Variants in ASB11 observed in about 807,000 individuals in gnomAD.
ASB11 encodes ankyrin repeat and SOCS box containing 11.
ASB11 carries 17 observed loss-of-function variants against 20.1 expected under a neutral mutation model. The ratio of observed to expected loss-of-function variants is 0.85; its 90% CI spans 0.58 to 1.27. The LOEUF (loss-of-function observed/expected upper bound fraction) is 1.27. ASB11 is among the 50% of genes most tolerant of loss of function. ASB11 has a pLI of 0.00. For synonymous variants in ASB11, 107 were observed against 105.6 expected (o/e 1.01, Z -0.08); for missense variants, 259 against 256.9 (o/e 1.01, Z -0.06).
At chrX:15,297,785 C>T in intron 2 of ASB11, 104 bp from the exon 3 acceptor site, 1 of 734,700 alleles carries the variant, frequency 1.4e-6, no homozygotes, top group Non-Finnish European at 2.0e-6. Flanking sequence ...ATCTTCCTGC[C>T]TCAGCATCCT....
At chrX:15,298,634 A>T (rs1218417505) in intron 2 of ASB11, among the ~76,000 whole-genome samples, 1 of 111,652 alleles carries the variant, frequency 9.0e-6, no homozygotes, top group Non-Finnish European at 1.9e-5. Flanking sequence ...GTAAGACCAA[A>T]GCAAGGAGAG....
At position 15,288,014 on chromosome X, in the gene ASB11, C is replaced by G. The variant is rs1807328094; in HGVS notation, c.714G>C (p.Gln238His). 1.8e-5 allele frequency: 22 copies of G among 1,212,112 alleles called. No individual in the cohort carries two copies. Among genetic ancestry groups the G allele is most frequent in the Non-Finnish European group, 2.0e-5 (18 of 895,570 alleles). Residue 238 changes from glutamine (Q) to histidine (H), a missense_variant, in exon 6 of 7, where the codon CAG becomes CAC. Physicochemically the swap from Gln to His is conservative, Grantham distance 24. Transcript: ENST00000480796. ...GCAGGTGGATGACCTCCACATTGGACTGCCTCGCTGCAGCATGGAGTGGGG... is the reference window on the plus strand; with the variant it reads ...GCAGGTGGATGACCTCCACATTGGAGTGCCTCGCTGCAGCATGGAGTGGGG... ...LDTPLHAAAR[Q>H]SNVEVIHLLT...
chrX:15,297,021 C>T (rs892408093), intron 3 of ASB11, among the ~76,000 whole-genome samples: 34 of 112,473 alleles, frequency 3.0e-4, no homozygotes, highest in African/African-American at 1.1e-3. Flanking sequence ...AGGCCGGGCG[C>T]GGTGGCTCAC....
In ASB11 at chrX:15,281,729, G is replaced by A. The variant is rs190751665; in HGVS notation, c.*1776C>T. ...TTTTTTTGTTTTGAGACGGAGTCTC[G>A]CTCTGTCACCCAGGCTGGAGTGCAG... On this transcript the variant is annotated 3_prime_UTR_variant, in exon 7 of 7. Transcript: ENST00000480796. 7.3e-5 allele frequency: 7 copies of A among 95,473 alleles called. No individual in the cohort carries two copies. The highest frequency in any genetic ancestry group is 3.1e-4 in the East Asian group (1 of 3,195). 7.9% of individuals were successfully genotyped at this position (95,473 alleles called of 1,213,427 possible). A position where few individuals can be genotyped will look rare whatever the true frequency, so the allele number is the denominator to read the frequency against.
chrX:15,294,397 G>T (rs1920952169), intron 3 of ASB11, among the ~76,000 whole-genome samples: 1 of 112,140 alleles, frequency 8.9e-6, no homozygotes. Flanking sequence ...GTGAAACAGG[G>T]TCTTGCTCTG....
chrX:15,293,158 T>A lies in ASB11; in HGVS notation c.520+12A>T. ...CATCAATGTTTCACATGCATTGTGG[T>A]GGCTCATTTACCTCTCTTCACTGCC... On this transcript the variant is annotated intron_variant, in intron 4 of 6. Coordinates refer to ENST00000480796, the MANE Select transcript of ASB11 (RefSeq NM_080873.3). The A allele has an allele frequency of 8.3e-7, 1 of 1,204,931 alleles. No homozygotes were observed. The highest frequency in any genetic ancestry group is 1.7e-5 in the African/African-American group (1 of 57,718).
At chrX:15,301,098 G>T (rs989198696) in intron 2 of ASB11, among the ~76,000 whole-genome samples, 1 of 110,916 alleles carries the variant, frequency 9.0e-6, no homozygotes, top group African/African-American at 3.3e-5. Flanking sequence ...AAGTAGCTGG[G>T]ATTATAGGCG....
intron 2 of ASB11, among the ~76,000 whole-genome samples, chrX:15,300,495 G>A (rs55651049): frequency 0.1 from 11,554 of 112,097 alleles, 457 homozygotes; most frequent in Middle Eastern, 0.16. Flanking sequence ...CAGTGTATAA[G>A]AGTAAAGAAG....
intron 2 of ASB11, among the ~76,000 whole-genome samples, chrX:15,299,301 A>G (rs923011982): frequency 3.6e-5 from 4 of 112,054 alleles, no homozygotes; most frequent in African/African-American, 1.3e-4. Flanking sequence ...ATGAGACATC[A>G]ATCAAATACA....
chrX:15,310,952 A>C (rs1283751923), intron 1 of ASB11, among the ~76,000 whole-genome samples: 2 of 112,138 alleles, frequency 1.8e-5, no homozygotes, highest in Non-Finnish European at 1.9e-5. Context: ...ACATCACTGC[A>C]CTCCAGCTTG....
At chrX:15,288,829 G>A (rs1033196053) in intron 5 of ASB11, among the ~76,000 whole-genome samples, 40 of 110,295 alleles carry the variant, frequency 3.6e-4, no homozygotes, top group African/African-American at 1.3e-3. Flanking sequence ...AGGTTGCAGT[G>A]AGCTGAGGTC....
intron 1 of ASB11, among the ~76,000 whole-genome samples, chrX:15,309,922 C>T (rs1420584864): frequency 1.1e-5 from 1 of 94,119 alleles, no homozygotes; most frequent in Non-Finnish European, 2.1e-5. Flanking sequence ...GAGCCGAGAT[C>T]GCGCCACTGC....
At chrX:15,308,260 C>A (rs773417355) in intron 1 of ASB11, among the ~76,000 whole-genome samples, 1 of 112,320 alleles carries the variant, frequency 8.9e-6, no homozygotes, top group South Asian at 3.7e-4. Flanking sequence ...ATTTGGCCAC[C>A]TCTCCTAGTG....
At position 15,298,340 on chromosome X, in the gene ASB11, T is replaced by C. The variant is rs765791267; in HGVS notation, c.262-659A>G. 3.1e-4 allele frequency among the ~76,000 whole-genome samples: 34 copies of C among 110,985 alleles called. No individual in the cohort carries two copies. In the South Asian group the frequency reaches 0.012, roughly 38 times the overall value. ...AAATTCAGGAAGCAACAGGAAGTTA[T>C]TTCCTGTTGCTTCCTGTTGCTTCCT... On this transcript the variant is annotated intron_variant, in intron 2 of 6. Coordinates refer to ENST00000480796, the MANE Select transcript of ASB11 (RefSeq NM_080873.3).
chrX:15,297,939 A>G lies in ASB11; in HGVS notation c.262-258T>C, dbSNP rs1047700436. ...TGGGTGTAATATTAGTACCATAGAG[A>G]GAGAAGTAGAAGTTACGATCAGGGG... On this transcript the variant is annotated intron_variant, in intron 2 of 6. Transcript: ENST00000480796. Among the ~76,000 whole-genome samples the G allele has an allele frequency of 3.6e-5, 4 of 112,501 alleles. No individual in the cohort carries two copies. In the Admixed American group the frequency reaches 3.8e-4, roughly 11 times the overall value.
chrX:15,283,528 C>G lies in ASB11; in HGVS notation c.949G>C (p.Glu317Gln), dbSNP rs199598614. The change falls in exon 7 of 7, where the codon GAA (glutamate) becomes CAA (glutamine). Residue 317 changes from glutamate (E) to glutamine (Q), a missense_variant. Physicochemically the swap from Glu to Gln is conservative, Grantham distance 29. Transcript: ENST00000480796. ...GACTATTGGTATAGGAGGAATCGTTCGAGTGGCTCTGGCAGATGTAGCTTG... is the reference window on the plus strand; with the variant it reads ...GACTATTGGTATAGGAGGAATCGTTGGAGTGGCTCTGGCAGATGTAGCTTG... ...IHKLHLPEPL[E>Q]RFLLYQ 1 of 1,210,883 alleles carries G rather than the reference C, an allele frequency of 8.3e-7. No homozygotes were observed. Among genetic ancestry groups the G allele is most frequent in the Non-Finnish European group, 1.1e-6 (1 of 895,020 alleles).
chrX:15,297,606 A>G lies in ASB11; in HGVS notation c.337T>C (p.Cys113Arg), dbSNP rs774663775. 17 of 1,204,274 alleles carry G rather than the reference A, an allele frequency of 1.4e-5. No homozygotes were observed. The highest frequency in any genetic ancestry group is 1.8e-5 in the Non-Finnish European group (16 of 892,047). ...CCATTTTCCAATAAGGCTTTGGCAC[A>G]GGCCACGTGACCTCCAAGGCATGCC... ...HEACLGGHVA[C>R]AKALLENGAH... The change falls in exon 3 of 7, where the codon TGT (cysteine) becomes CGT (arginine). Residue 113 changes from cysteine (C) to arginine (R), a missense_variant. Cys to Arg is a radical substitution (Grantham distance 180, BLOSUM62 -3). Transcript: ENST00000480796.
At chrX:15,309,667 C>T (rs1208669114) in intron 1 of ASB11, among the ~76,000 whole-genome samples, 3 of 109,738 alleles carry the variant, frequency 2.7e-5, no homozygotes, top group African/African-American at 1.0e-4. Context: ...ATTGTACCAC[C>T]CTAAAAGTAG....
At chrX:15,314,300 G>A (rs569705470) in intron 1 of ASB11, 2 of 1,070,983 alleles carry the variant, frequency 1.9e-6, no homozygotes, top group East Asian at 6.5e-5. Flanking sequence ...TTCAGATCAT[G>A]CTTAACTTGA....
Sources: allele counts gnomAD v4.1 joint callset (sites outside exome capture counted in the v4.1 genomes callset), GRCh38; gene constraint gnomAD v4.1.1; transcripts MANE v1.5; gene names NCBI Gene and HGNC (gene_info 2026-07-23, HGNC 2026-07-21).